The following MAGI2 variants were observed in gnomAD, a reference collection of about 807,000 sequenced individuals.
MAGI2 encodes membrane associated guanylate kinase, WW and PDZ domain containing 2.
MAGI2 carries 35 observed loss-of-function variants against 133.3 expected under a neutral mutation model. The ratio of observed to expected loss-of-function variants is 0.26; its 90% CI spans 0.20 to 0.35. MAGI2 has a LOEUF of 0.35. MAGI2 is among the 10% of genes least tolerant of loss of function. MAGI2 has a pLI of 1.00. For synonymous variants in MAGI2, 729 were observed against 710.6 expected, an observed-to-expected ratio of 1.03 and a Z score of -0.41; for missense variants, 1,636 against 1,863.4, an observed-to-expected ratio of 0.88 and a Z score of 2.25.
chr7:78,760,517 CGT>C (rs1271647875), intron 2 of MAGI2, among the ~76,000 whole-genome samples: 1 of 152,018 alleles, frequency 6.6e-6, no homozygotes, highest in East Asian at 1.9e-4. Flanking sequence ...TATGCACCAC[CGT>C]ACCTGGCTAA....
chr7:78,174,206 TG>T (rs1329392585), intron 14 of MAGI2, among the ~76,000 whole-genome samples: 2 of 152,198 alleles, frequency 1.3e-5, no homozygotes, highest in Non-Finnish European at 2.9e-5. Flanking sequence ...AGGCTAGGCT[TG>T]GAACACATAA....
chr7:78,086,112 C>A (rs569499619), intron 20 of MAGI2, among the ~76,000 whole-genome samples: 1 of 152,120 alleles, frequency 6.6e-6, no homozygotes, highest in South Asian at 2.1e-4. Context: ...CTGGTATCTT[C>A]TTCACTGATT....
At chr7:78,308,910 A>G (rs1798461760) in intron 9 of MAGI2, among the ~76,000 whole-genome samples, 1 of 152,276 alleles carries the variant, frequency 6.6e-6, no homozygotes, top group South Asian at 2.1e-4. Flanking sequence ...TTAACAGTAC[A>G]CTACGTGTAA....
chr7:78,523,283 C>G (rs1796665712), intron 3 of MAGI2, among the ~76,000 whole-genome samples: 1 of 152,064 alleles, frequency 6.6e-6, no homozygotes, highest in Non-Finnish European at 1.5e-5. Flanking sequence ...ACAGCCTACT[C>G]AAGTTAAATG....
rs564078177 is a variant in MAGI2, at chr7:79,021,196, C to T, written c.302-13990G>A. ...AAGTCTGCTGCATGGGTGGAGCCTTCATGAAGAACCTCTGCTAGGGCAGTG... is the reference window on the plus strand; with the variant it reads ...AAGTCTGCTGCATGGGTGGAGCCTTTATGAAGAACCTCTGCTAGGGCAGTG... On this transcript the variant is annotated intron_variant, in intron 1 of 21. Transcript: ENST00000354212. Among the ~76,000 whole-genome samples, 4 of 152,332 alleles carry T rather than the reference C, an allele frequency of 2.6e-5. No homozygotes were observed. In the South Asian group the frequency reaches 8.3e-4, roughly 32 times the overall value.
intron 2 of MAGI2, among the ~76,000 whole-genome samples, chr7:78,980,785 G>GT (rs755593505): frequency 2.7e-5 from 4 of 149,368 alleles, no homozygotes; most frequent in African/African-American, 7.4e-5. Flanking sequence ...TTTGTTTTTT[G>GT]TTTTTTTAAA....
At chr7:79,345,153 A>G (rs1841215407) in intron 1 of MAGI2, among the ~76,000 whole-genome samples, 1 of 150,432 alleles carries the variant, frequency 6.6e-6, no homozygotes, top group Non-Finnish European at 1.5e-5. Flanking sequence ...AGATGTAATT[A>G]GTTAAGATAA....
intron 1 of MAGI2, among the ~76,000 whole-genome samples, chr7:79,347,444 C>A (rs1002780264): frequency 7.6e-6 from 1 of 131,904 alleles, no homozygotes; most frequent in Non-Finnish European, 1.6e-5. Flanking sequence ...CACTGTGGAT[C>A]GTCCCTATCT....
At chr7:78,329,358 G>A (rs548068222) in intron 9 of MAGI2, among the ~76,000 whole-genome samples, 2 of 152,222 alleles carry the variant, frequency 1.3e-5, no homozygotes, top group South Asian at 4.1e-4. Context: ...TCTTTATTCA[G>A]AATACTAAGA....
intron 9 of MAGI2, among the ~76,000 whole-genome samples, chr7:78,299,874 T>C (rs1255286765): frequency 1.3e-5 from 2 of 152,182 alleles, no homozygotes; most frequent in Non-Finnish European, 2.9e-5. Context: ...TTAATACAAT[T>C]AAGAAGTATA....
At chr7:79,067,388 T>A (rs939490613) in intron 1 of MAGI2, among the ~76,000 whole-genome samples, 2 of 152,216 alleles carry the variant, frequency 1.3e-5, no homozygotes, top group African/African-American at 4.8e-5. Context: ...AGTTCACTCA[T>A]GATTTGGCTC....
chr7:79,313,888 C>T lies in MAGI2; in HGVS notation c.301+139132G>A, dbSNP rs187773200. On this transcript the variant is annotated intron_variant, in intron 1 of 21. Coordinates refer to ENST00000354212, the MANE Select transcript of MAGI2 (RefSeq NM_012301.4). ...CCCTATCTCAGTTAACTGCAATCTC[C>T]ACCTCCTGGGTTCAAGTGATTCTTC... 2.1e-3 allele frequency among the ~76,000 whole-genome samples: 320 copies of T among 151,672 alleles called. 1 individual carries two copies. Among genetic ancestry groups the T allele is most frequent in the African/African-American group, 6.5e-3 (267 of 41,316 alleles).
intron 9 of MAGI2, among the ~76,000 whole-genome samples, chr7:78,268,277 C>A (rs1466861139): frequency 6.6e-6 from 1 of 151,918 alleles, no homozygotes; most frequent in Non-Finnish European, 1.5e-5. Context: ...AATTGAAAAG[C>A]AAAATTTTGG....
At chr7:79,186,109 A>G (rs1382661948) in intron 1 of MAGI2, among the ~76,000 whole-genome samples, 3 of 150,642 alleles carry the variant, frequency 2.0e-5, no homozygotes, top group African/African-American at 7.3e-5. Context: ...ACATACAAAG[A>G]CCAACATAAA....
chr7:79,272,053 C>A (rs546540598), intron 1 of MAGI2, among the ~76,000 whole-genome samples: 4 of 152,016 alleles, frequency 2.6e-5, no homozygotes, highest in South Asian at 4.2e-4. Context: ...ATACAAAAAC[C>A]ATTTTTATGA....
chr7:79,114,467 G>A lies in MAGI2; in HGVS notation c.302-107261C>T, dbSNP rs142231538. Reference sequence around the variant, plus strand: ...GAGGATGTTTTCAGAGGCTGAAATTGGAAGGGATTTGTGAATTGTGGCAAG... The same window carrying A: ...GAGGATGTTTTCAGAGGCTGAAATTAGAAGGGATTTGTGAATTGTGGCAAG... On this transcript the variant is annotated intron_variant, in intron 1 of 21. Transcript: ENST00000354212. Among the ~76,000 whole-genome samples the A allele has an allele frequency of 2.9e-3, 438 of 152,256 alleles. 3 individuals carry two copies. Among genetic ancestry groups the A allele is most frequent in the Non-Finnish European group, 5.2e-3 (352 of 68,008 alleles).
chr7:78,298,515 AT>A (rs1797519807), intron 9 of MAGI2, among the ~76,000 whole-genome samples: 1 of 152,144 alleles, frequency 6.6e-6, no homozygotes, highest in Non-Finnish European at 1.5e-5. Flanking sequence ...CAAAACTGTT[AT>A]TGTGTTTTTG....
At chr7:79,295,877 C>T (rs376709124) in intron 1 of MAGI2, among the ~76,000 whole-genome samples, 232 of 152,170 alleles carry the variant, frequency 1.5e-3, no homozygotes, top group African/African-American at 5.3e-3. Context: ...TAAATTGTGA[C>T]AAATTATGTC....
chr7:78,469,459 G>C (rs1348487548), intron 6 of MAGI2, among the ~76,000 whole-genome samples: 1 of 152,086 alleles, frequency 6.6e-6, no homozygotes, highest in African/African-American at 2.4e-5. Context: ...AAGAACATGT[G>C]CTACACAACT....
Sources: allele counts gnomAD v4.1 joint callset (sites outside exome capture counted in the v4.1 genomes callset), GRCh38; gene constraint gnomAD v4.1.1; transcripts MANE v1.5; gene names NCBI Gene and HGNC (gene_info 2026-07-23, HGNC 2026-07-21).